The following SV2B variants were observed in gnomAD, a reference collection of about 807,000 sequenced individuals.
SV2B encodes the protein solute carrier family 22 member B2.
Under a neutral mutation model 73.9 loss-of-function variants are expected in SV2B, and 41 were observed. That is an observed-to-expected ratio of 0.56 (90% CI 0.43 to 0.72). The LOEUF is 0.72. SV2B is among the 30% of genes least tolerant of loss of function. The pLI, the probability that SV2B is intolerant of heterozygous loss-of-function variation, is 0.00. For synonymous variants in SV2B, 314 were observed against 314.2 expected (o/e 1.00, Z 0.01); for missense variants, 764 against 857.8 (o/e 0.89, Z 1.37).
At position 91,136,299 on chromosome 15, in the gene SV2B, G is replaced by T. The variant is rs74644459; in HGVS notation, c.-392+35936G>T. On this transcript the variant is annotated intron_variant, in intron 1 of 12. Coordinates refer to ENST00000394232, the MANE Select transcript of SV2B (RefSeq NM_001323032.3). This position sits in a 1 kb window ranked among gnomAD's most constrained non-coding sequence, Gnocchi z 5.6. ...TCAGATTAGTCGGGAGAGAGCGGCC[G>T]ACCTCAGCAGGTTGCTGGAAGGTTT... 1.3e-5 allele frequency among the ~76,000 whole-genome samples: 2 copies of T among 152,168 alleles called. No individual in the cohort carries two copies. Among genetic ancestry groups the T allele is most frequent in the Non-Finnish European group, 2.9e-5 (2 of 68,040 alleles).
In SV2B at chr15:91,132,684, A is replaced by C. The variant is rs2042691305; in HGVS notation, c.-392+32321A>C. On this transcript the variant is annotated intron_variant, in intron 1 of 12. Transcript: ENST00000394232. This position sits in a 1 kb window ranked among gnomAD's most constrained non-coding sequence, Gnocchi z 4.6. ...AAACATTTAGGTTTTTTGCCTCCAG[A>C]CCCTATTTCTCCTGCCTCAGTGGCA... Among the ~76,000 whole-genome samples, 1 of 151,792 alleles carries C rather than the reference A, an allele frequency of 6.6e-6. No homozygotes were observed. The highest frequency in any genetic ancestry group is 1.5e-5 in the Non-Finnish European group (1 of 67,942).
chr15:91,202,389 G>T (rs1458933866), intron 1 of SV2B, among the ~76,000 whole-genome samples: 4 of 152,158 alleles, frequency 2.6e-5, no homozygotes, highest in Non-Finnish European at 5.9e-5. Context: ...TAATGAATGA[G>T]TTGAATACTC....
At chr15:91,149,684 C>T (rs565682332) in intron 1 of SV2B, among the ~76,000 whole-genome samples, 29 of 152,250 alleles carry the variant, frequency 1.9e-4, no homozygotes, top group African/African-American at 7.0e-4. Context: ...CAACCTTGGC[C>T]AAGGTGGTGC....
In SV2B at chr15:91,292,684, A is replaced by C. The variant is rs552470451; in HGVS notation, c.*132A>C. The C allele has an allele frequency of 1.1e-3, 1,211 of 1,114,430 alleles. 14 individuals are homozygous for C. The South Asian group carries it at 0.014, about 13-fold the overall frequency. The allele number at this position is 1,114,430 out of a possible 1,614,324, so 69.0% of individuals were successfully genotyped here. ...AGGAGAAGTTGACTTTGTGACCCCTAGTTTAGGACCCACTTCAGCTGTCAA... is the reference window on the plus strand; with the variant it reads ...AGGAGAAGTTGACTTTGTGACCCCTCGTTTAGGACCCACTTCAGCTGTCAA... On this transcript the variant is annotated 3_prime_UTR_variant, in exon 13 of 13. Transcript: ENST00000394232.
intron 2 of SV2B, among the ~76,000 whole-genome samples, chr15:91,228,929 T>G (rs151083426): frequency 9.1e-4 from 139 of 152,350 alleles, no homozygotes; most frequent in African/African-American, 3.2e-3. Flanking sequence ...GGTTAGATGA[T>G]CTTTGTCCTT....
chr15:91,249,108 ATG>A (rs2047379993), intron 2 of SV2B, among the ~76,000 whole-genome samples: 2 of 104,922 alleles, frequency 1.9e-5, no homozygotes, highest in African/African-American at 7.3e-5. Context: ...ACACACACAC[ATG>A]TTTATGATCT....
rs2048113035 is a variant in SV2B at position 91,266,640 on chromosome 15, C to T, written c.1067C>T (p.Thr356Ile). Residue 356 changes from threonine to isoleucine, a missense_variant, in exon 7 of 13, where the codon ACA (threonine) becomes ATA (isoleucine). By Grantham distance (89) the Thr-to-Ile change is moderately conservative. Coordinates refer to ENST00000394232, the MANE Select transcript of SV2B (RefSeq NM_001323032.3). ...MDEFIEIQSS[T>I]GTWYQRWLVR... ...GAATTCATTGAGATCCAAAGTTCAA[C>T]AGGAACCTGGTACCAGCGCTGGCTG... 1 of 1,614,170 alleles carries T rather than the reference C, an allele frequency of 6.2e-7. No homozygotes were observed. Among genetic ancestry groups the T allele is most frequent in the Non-Finnish European group, 8.5e-7 (1 of 1,180,016 alleles).
chr15:91,190,053 G>C (rs557954670), intron 1 of SV2B, among the ~76,000 whole-genome samples: 1 of 152,092 alleles, frequency 6.6e-6, no homozygotes, highest in East Asian at 1.9e-4. Context: ...TTGCTATTTT[G>C]TTTTATCTTA....
chr15:91,103,804 G>A (rs1232573585), intron 1 of SV2B, among the ~76,000 whole-genome samples: 1 of 152,136 alleles, frequency 6.6e-6, no homozygotes, highest in East Asian at 1.9e-4. Context: ...ACCTCAGAAG[G>A]CAACATTTAC....
chr15:91,288,201 TGTACA>T lies in SV2B; in HGVS notation c.1709-1318_1709-1314del, dbSNP rs1257974435. On this transcript the variant is annotated intron_variant, in intron 11 of 12. Coordinates refer to ENST00000394232, the MANE Select transcript of SV2B (RefSeq NM_001323032.3). The surrounding 1 kb of genome is among the most constrained non-coding windows in gnomAD (Gnocchi z 5.8). ...CTTCAGGTTTCCCTTCAATAGCCCA[TGTACA>T]GGTGTGTTCTCACCAGGTTATAAGC... Among the ~76,000 whole-genome samples the T allele has an allele frequency of 6.6e-6, 1 of 152,302 alleles. No homozygotes were observed. Among genetic ancestry groups the T allele is most frequent in the East Asian group, 1.9e-4 (1 of 5,186 alleles).
In SV2B at chr15:91,251,998, G is replaced by A. The variant is rs754888193; in HGVS notation, c.631G>A (p.Gly211Ser). The A allele has an allele frequency of 3.0e-5, 48 of 1,613,786 alleles. No individual in the cohort carries two copies. The highest frequency in any genetic ancestry group is 5.3e-5 in the African/African-American group (4 of 74,892). The change falls in exon 3 of 13, where the codon GGT becomes AGT. Residue 211 changes from glycine to serine, a missense_variant and splice_region_variant. Physicochemically the swap from Gly to Ser is moderately conservative, Grantham distance 56 (BLOSUM62 0). Coordinates refer to ENST00000394232, the MANE Select transcript of SV2B (RefSeq NM_001323032.3). ...FLFCRLISGI[G>S]IGGALPIVFA... is the part of the protein sequence containing the mutation. ...CTTCTGCCGACTCATCTCAGGCATCGGGTATGTTCTTAGGGAGGTGGAGCT... is the reference window on the plus strand; with the variant it reads ...CTTCTGCCGACTCATCTCAGGCATCAGGTATGTTCTTAGGGAGGTGGAGCT...
Position 91,225,916 on chromosome 15 carries a change from C to T in SV2B, c.-348C>T, listed in dbSNP as rs1364356619. On this transcript the variant is annotated 5_prime_UTR_variant, in exon 2 of 13. Transcript: ENST00000394232. ...AGGACAAATCAGGCCAGCACGCAGT[C>T]TGCCAAGTCCTGCTCGCTCCCTGTC... The T allele has an allele frequency of 1.0e-5, 3 of 297,498 alleles. No homozygotes were observed. The East Asian group carries it at 3.1e-4, about 31-fold the overall frequency. 18.4% of individuals were successfully genotyped at this position (297,498 alleles called of 1,614,324 possible).
At chr15:91,215,962 A>G (rs890567842) in intron 1 of SV2B, among the ~76,000 whole-genome samples, 8 of 152,204 alleles carry the variant, frequency 5.3e-5, no homozygotes, top group Non-Finnish European at 1.5e-5. Context: ...TTCTCCAGCA[A>G]AAAAATTCGC....
chr15:91,183,828 C>G (rs941808613), intron 1 of SV2B, among the ~76,000 whole-genome samples: 2 of 152,232 alleles, frequency 1.3e-5, no homozygotes, highest in Admixed American at 1.3e-4. Flanking sequence ...AGGAAACCGA[C>G]TATTTGCCAA....
intron 1 of SV2B, among the ~76,000 whole-genome samples, chr15:91,111,887 A>G (rs917425022): frequency 6.6e-6 from 1 of 152,008 alleles, no homozygotes; most frequent in East Asian, 1.9e-4. Context: ...GAGTTGCCAC[A>G]TATTTTTAAG....
rs552737688 is a variant in SV2B at position 91,284,098 on chromosome 15, G to C, written c.1585G>C (p.Asp529His). ...FLEQKEGCHMDLEQDNDFLIY... is the reference protein window; with the variant it reads ...FLEQKEGCHMHLEQDNDFLIY... ...GGAGCAGAAGGAGGGCTGCCACATG[G>C]ACTTGGAGCAAGATAATGACTTCCT... Residue 529 changes from aspartate to histidine, a missense_variant, in exon 11 of 13, where the codon GAC (aspartate) becomes CAC (histidine). Asp to His is a moderately conservative substitution (Grantham distance 81). Coordinates refer to ENST00000394232, the MANE Select transcript of SV2B (RefSeq NM_001323032.3). The surrounding 1 kb of genome is among the most constrained non-coding windows in gnomAD (Gnocchi z 4.5). 3 of 1,614,152 alleles carry C rather than the reference G, an allele frequency of 1.9e-6. No homozygotes were observed. The African/African-American group carries it at 4.0e-5, about 22-fold the overall frequency.
chr15:91,222,265 C>T (rs191583226), intron 1 of SV2B, among the ~76,000 whole-genome samples: 20 of 152,222 alleles, frequency 1.3e-4, no homozygotes, highest in Admixed American at 6.5e-4. Flanking sequence ...GTAAAATGGG[C>T]GCAATAATAG....
In SV2B at chr15:91,300,575, G is replaced by T. The variant is rs1010329230; in HGVS notation, c.*8023G>T. ...CAGGTTTCATTCTCTCCAGTGGGAG[G>T]TGGCCTAGACAGGTGCCGGTTTTGG... On this transcript the variant is annotated 3_prime_UTR_variant, in exon 13 of 13. Coordinates refer to ENST00000394232, the MANE Select transcript of SV2B (RefSeq NM_001323032.3). The T allele has an allele frequency of 1.3e-5, 2 of 152,204 alleles. No individual in the cohort carries two copies. The highest frequency in any genetic ancestry group is 4.8e-5 in the African/African-American group (2 of 41,440). The allele number at this position is 152,204 out of a possible 1,614,324, so 9.4% of individuals were successfully genotyped here.
At chr15:91,212,504 G>A (rs1415133425) in intron 1 of SV2B, among the ~76,000 whole-genome samples, 1 of 152,130 alleles carries the variant, frequency 6.6e-6, no homozygotes, top group East Asian at 1.9e-4. Context: ...AAGATTCACT[G>A]TTTAATTCTG....
Sources: gnomAD v4.1 joint callset for allele counts (sites outside exome capture counted in the v4.1 genomes callset) on GRCh38, gnomAD v4.1.1 for gene constraint, Gnocchi (gnomAD v3.1) non-coding constraint, MANE v1.5 for transcripts, NCBI Gene and HGNC (gene_info 2026-07-23, HGNC 2026-07-21) for gene names.